The following GPALPP1 variants were observed in gnomAD, a reference collection of about 807,000 sequenced individuals.
The protein encoded by GPALPP1 is GPALPP motifs-containing protein 1.
Under a neutral mutation model 38.9 loss-of-function variants are expected in GPALPP1, and 30 were observed. That is an observed-to-expected ratio of 0.77 (90% confidence interval 0.58 to 1.05). The LOEUF is 1.05. Ranked by LOEUF, GPALPP1 falls within the 50% of genes least tolerant of loss-of-function variation. The pLI is 0.00. For missense variants in GPALPP1, 384 were observed against 408.8 expected, an observed-to-expected ratio of 0.94 and a Z score of 0.52; for synonymous variants, 120 against 139.2, an observed-to-expected ratio of 0.86 and a Z score of 0.97.
intron 1 of GPALPP1, 165 bp downstream of exon 1, chr13:44,989,907 A>G: frequency 1.7e-6 from 1 of 603,944 alleles, no homozygotes; most frequent in Non-Finnish European, 2.9e-6. Context: ...AGGGGGGAGG[A>G]GGCTGGGGGA....
intron 6 of GPALPP1, among the ~76,000 whole-genome samples, chr13:45,015,797 A>T (rs554582443): frequency 6.6e-6 from 1 of 152,296 alleles, no homozygotes; most frequent in Middle Eastern, 3.4e-3. Context: ...TTCCCAATAA[A>T]CGGTCTCATT....
chr13:45,013,462 C>A (rs1378919429), intron 4 of GPALPP1, among the ~76,000 whole-genome samples: 1 of 152,202 alleles, frequency 6.6e-6, no homozygotes, highest in East Asian at 1.9e-4. Flanking sequence ...TGTGTCATGT[C>A]CATGCCTAAA....
intron 1 of GPALPP1, among the ~76,000 whole-genome samples, chr13:44,998,402 A>G (rs1873441381): frequency 6.6e-6 from 1 of 151,978 alleles, no homozygotes; most frequent in African/African-American, 2.4e-5. Context: ...TCCTTAACCC[A>G]TTGCATTTCT....
At chr13:45,018,463 G>A (rs1401143573) in intron 6 of GPALPP1, among the ~76,000 whole-genome samples, 2 of 151,676 alleles carry the variant, frequency 1.3e-5, no homozygotes, top group African/African-American at 2.4e-5. Context: ...AATTGAATGA[G>A]ATCAGTTAAG....
chr13:45,015,444 C>A lies in GPALPP1; in HGVS notation c.553C>A (p.Pro185Thr). ...TTTTCTCTTAAAGGATTCATCTAAA[C>A]CCATTGTAAGAGAGTCATGGATGAC... is the stretch of plus-strand genomic sequence containing the variant. ...LTKGDDDSSKPIVRESWMTEL... is the reference protein window; with the variant it reads ...LTKGDDDSSKTIVRESWMTEL... The change falls in exon 6 of 8, where the codon CCC (proline) becomes ACC (threonine). Residue 185 changes from proline to threonine, a missense_variant. By Grantham distance (38) the Pro-to-Thr change is conservative (BLOSUM62 -1). Coordinates refer to ENST00000379151, the MANE Select transcript of GPALPP1 (RefSeq NM_018559.5). 1 of 1,581,636 alleles carries A rather than the reference C, an allele frequency of 6.3e-7. No homozygotes were observed. The highest frequency in any genetic ancestry group is 8.6e-7 in the Non-Finnish European group (1 of 1,165,486).
intron 4 of GPALPP1, among the ~76,000 whole-genome samples, chr13:45,013,540 A>G (rs539675255): frequency 3.3e-5 from 5 of 152,370 alleles, no homozygotes; most frequent in African/African-American, 7.2e-5. Context: ...ACATGTCCAT[A>G]CAATAGTTAC....
Position 44,997,489 on chromosome 13 carries a change from C to T in GPALPP1, c.89-6816C>T, listed in dbSNP as rs116507317. Among the ~76,000 whole-genome samples, 77 of 152,236 alleles carry T rather than the reference C, an allele frequency of 5.1e-4. 1 individual carries two copies. Among genetic ancestry groups the T allele is most frequent in the African/African-American group, 1.7e-3 (71 of 41,540 alleles). On this transcript the variant is annotated intron_variant, in intron 1 of 7. Coordinates refer to ENST00000379151, the MANE Select transcript of GPALPP1 (RefSeq NM_018559.5). ...GACTCTAACTCCAGTCTCCTATCTG[C>T]AGTGACCTTCACCTCCACTAATTTC...
chr13:45,004,307 G>A lies in GPALPP1; in HGVS notation c.91G>A (p.Ala31Thr), dbSNP rs201119186. 4 of 1,611,312 alleles carry A rather than the reference G, an allele frequency of 2.5e-6. No homozygotes were observed. In the African/African-American group the frequency reaches 5.3e-5, roughly 22 times the overall value. Residue 31 changes from alanine to threonine, a missense_variant and splice_region_variant, in exon 2 of 8, where the codon GCA (alanine) becomes ACA (threonine). Physicochemically the swap from Ala to Thr is moderately conservative, Grantham distance 58. Transcript: ENST00000379151. Reference sequence around the variant, plus strand: ...GACAAACAACAAGTGTTCTTTAGTTGCAGGACCAGCTCTGCCCCCTAATTA... The same window carrying A: ...GACAAACAACAAGTGTTCTTTAGTTACAGGACCAGCTCTGCCCCCTAATTA... The part of the protein sequence containing the change: ...EDEERDPSPV[A>T]GPALPPNYKS...
chr13:45,013,337 A>G (rs934849100), intron 4 of GPALPP1, among the ~76,000 whole-genome samples: 1 of 152,224 alleles, frequency 6.6e-6, no homozygotes, highest in Admixed American at 6.5e-5. Flanking sequence ...ACTTATAAGC[A>G]GCTGGCAGTG....
At chr13:44,992,683 T>TA (rs1872893482) in intron 1 of GPALPP1, among the ~76,000 whole-genome samples, 1 of 152,202 alleles carries the variant, frequency 6.6e-6, no homozygotes, top group South Asian at 2.1e-4. Context: ...CCTGTAAGGG[T>TA]ATCCTGGCAC....
chr13:44,995,575 A>G (rs1181788469), intron 1 of GPALPP1, among the ~76,000 whole-genome samples: 1 of 152,180 alleles, frequency 6.6e-6, no homozygotes, highest in Non-Finnish European at 1.5e-5. Context: ...TTCCAAGTTC[A>G]GGAGCAAAGA....
chr13:45,003,900 T>G (rs558215940), intron 1 of GPALPP1, among the ~76,000 whole-genome samples: 27 of 149,382 alleles, frequency 1.8e-4, no homozygotes, highest in African/African-American at 6.5e-4. Context: ...GGTTCTACCG[T>G]AAACTGTAAG....
Position 44,989,546 on chromosome 13 carries a change from T to A in GPALPP1, c.-109T>A. The A allele has an allele frequency of 6.6e-7, 1 of 1,512,512 alleles. No individual in the cohort carries two copies. Among genetic ancestry groups the A allele is most frequent in the South Asian group, 1.2e-5 (1 of 86,654 alleles). The allele number at this position is 1,512,512 out of a possible 1,614,324, so 93.7% of individuals were successfully genotyped here. A position where few individuals can be genotyped will look rare whatever the true frequency, so the allele number is the denominator to read the frequency against. On this transcript the variant is annotated 5_prime_UTR_variant, in exon 1 of 8. Transcript: ENST00000379151. The stretch of plus-strand genomic sequence containing the variant: ...CCAACCACAGGCTTTACGTCATTTC[T>A]CGGCGCCGGGAAACCTGCCATTCTT...
intron 1 of GPALPP1, among the ~76,000 whole-genome samples, chr13:44,995,169 AACACACAC>A (rs371911111): frequency 1.6e-5 from 2 of 128,534 alleles, no homozygotes; most frequent in Non-Finnish European, 3.2e-5. Flanking sequence ...CCTATCTTTA[AACACACAC>A]ACACACACAC....
At chr13:45,037,421 A>G (rs922617795) in exon 8 of GPALPP1, 1 of 152,236 alleles carries the variant, frequency 6.6e-6, no homozygotes, top group Non-Finnish European at 1.5e-5. Flanking sequence ...AACAAAAGCA[A>G]TTTATCATCA....
At chr13:45,026,321 T>C (rs1268950029) in intron 7 of GPALPP1, among the ~76,000 whole-genome samples, 4 of 152,242 alleles carry the variant, frequency 2.6e-5, no homozygotes, top group African/African-American at 7.2e-5. Flanking sequence ...GCTAAAACGT[T>C]ATGGCTCCAG....
chr13:45,034,607 T>C (rs1288909577), downstream of GPALPP1: 1 of 152,026 alleles, frequency 6.6e-6, no homozygotes, highest in African/African-American at 2.4e-5. Context: ...AATATGATGG[T>C]TCAGGGTTGG....
intron 1 of GPALPP1, chr13:45,001,826 C>T (rs776128081): frequency 5.9e-5 from 9 of 152,202 alleles, no homozygotes; most frequent in African/African-American, 9.7e-5. Flanking sequence ...GGATTACAGA[C>T]GCACACCACC....
In GPALPP1 at chr13:45,028,916, G is replaced by A. The variant is rs1876034255; in HGVS notation, c.*913G>A. ...AATATATATATATAAAAATTAGCCA[G>A]GTGTGGTGGCACGTGCCTGTAATCT... On this transcript the variant is annotated 3_prime_UTR_variant, in exon 8 of 8. Coordinates refer to ENST00000379151, the MANE Select transcript of GPALPP1 (RefSeq NM_018559.5). The A allele has an allele frequency of 6.6e-6, 1 of 151,958 alleles. No individual in the cohort carries two copies. 9.4% of individuals were successfully genotyped at this position (151,958 alleles called of 1,614,324 possible). A position where few individuals can be genotyped will look rare whatever the true frequency, so the allele number is the denominator to read the frequency against.
Sources: allele counts gnomAD v4.1 joint callset (sites outside exome capture counted in the v4.1 genomes callset), GRCh38; gene constraint gnomAD v4.1.1; transcripts MANE v1.5; gene names NCBI Gene and HGNC (gene_info 2026-07-23, HGNC 2026-07-21).